SGCZ: variants seen among roughly 807,000 people sequenced by gnomAD.
SGCZ encodes sarcoglycan zeta, also known as zeta-sarcoglycan.
A neutral mutation model predicts 41.3 loss-of-function variants in SGCZ; 40 were observed. The ratio of observed to expected loss-of-function variants is 0.97; its 90% confidence interval spans 0.75 to 1.26. The LOEUF is 1.26. Ranked by LOEUF, SGCZ falls within the 50% of genes most tolerant of loss-of-function variation. The probability of loss-of-function intolerance (pLI) is 0.00; values close to 1 mark genes in which losing one functional copy is unlikely to be tolerated. For synonymous variants in SGCZ, 206 were observed against 137.5 expected (o/e 1.50, Z -3.49); for missense variants, 552 against 369.8 (o/e 1.49, Z -4.04).
In SGCZ at chr8:14,714,321, T is replaced by C. The variant is rs186221079; in HGVS notation, c.40-159395A>G. Among the ~76,000 whole-genome samples the C allele has an allele frequency of 5.9e-3, 895 of 152,236 alleles. 6 individuals are homozygous for C. Among genetic ancestry groups the C allele is most frequent in the Non-Finnish European group, 7.2e-3 (487 of 68,008 alleles). ...TTAATGAAACAAACTTTTAAAAGTT[T>C]ATAGAAGTTAAAAAAAGTAACAGTA... On this transcript the variant is annotated intron_variant, in intron 1 of 7. Coordinates refer to ENST00000382080, the MANE Select transcript of SGCZ (RefSeq NM_139167.4).
intron 1 of SGCZ, among the ~76,000 whole-genome samples, chr8:14,771,408 G>A (rs1255416850): frequency 1.3e-5 from 2 of 152,064 alleles, no homozygotes; most frequent in Non-Finnish European, 2.9e-5. Context: ...GCTTCACATG[G>A]CTAAAAACAT....
intron 1 of SGCZ, among the ~76,000 whole-genome samples, chr8:14,838,552 C>T (rs1365682460): frequency 6.6e-6 from 1 of 152,116 alleles, no homozygotes. Flanking sequence ...GTTGGAATTA[C>T]TCAGACTAGG....
intron 1 of SGCZ, among the ~76,000 whole-genome samples, chr8:14,743,295 C>T (rs897486337): frequency 5.3e-5 from 8 of 151,730 alleles, no homozygotes; most frequent in African/African-American, 1.5e-4. Flanking sequence ...TACAAATAAC[C>T]ATATTTTACC....
At chr8:15,003,682 T>G (rs1802504762) in intron 1 of SGCZ, among the ~76,000 whole-genome samples, 1 of 152,140 alleles carries the variant, frequency 6.6e-6, no homozygotes, top group East Asian at 1.9e-4. Context: ...GACTTGGCTG[T>G]GTATATATAA....
chr8:15,091,117 T>C (rs1471608501), intron 1 of SGCZ, among the ~76,000 whole-genome samples: 1 of 152,248 alleles, frequency 6.6e-6, no homozygotes, highest in East Asian at 1.9e-4. Flanking sequence ...AGAGTAATCT[T>C]AAATAGACTT....
intron 3 of SGCZ, among the ~76,000 whole-genome samples, chr8:14,243,331 G>A (rs7818174): frequency 1 from 151,590 of 152,308 alleles, 75,443 homozygotes; most frequent in South Asian, 1. Context: ...TAAATATTCA[G>A]TCAGCTGCGT....
rs114275314 is a variant in SGCZ at position 14,388,321 on chromosome 8, G to A, written c.235-64117C>T. Among the ~76,000 whole-genome samples the A allele has an allele frequency of 6.6e-4, 100 of 152,166 alleles. 2 individuals are homozygous for A. Among genetic ancestry groups the A allele is most frequent in the African/African-American group, 2.2e-3 (90 of 41,524 alleles). ...TGAAGATATAGGTGCTGAGGCCTAG[G>A]AGCTGGGCATCTGGCACACCCAGAG... On this transcript the variant is annotated intron_variant, in intron 2 of 7. Coordinates refer to ENST00000382080, the MANE Select transcript of SGCZ (RefSeq NM_139167.4).
chr8:14,167,550 A>G (rs2116991518), intron 4 of SGCZ, among the ~76,000 whole-genome samples: 1 of 152,300 alleles, frequency 6.6e-6, no homozygotes, highest in African/African-American at 2.4e-5. Flanking sequence ...TAAACTCACA[A>G]TCAACAAAGA....
chr8:14,135,703 T>G (rs147459586), intron 5 of SGCZ, among the ~76,000 whole-genome samples: 9 of 152,354 alleles, frequency 5.9e-5, no homozygotes, highest in Non-Finnish European at 1.2e-4. Context: ...ATAGTTTTAC[T>G]GGAGAATTCT....
chr8:14,525,980 G>GA (rs1033060905), intron 2 of SGCZ, among the ~76,000 whole-genome samples: 108 of 146,624 alleles, frequency 7.4e-4, no homozygotes, highest in African/African-American at 1.6e-3. Flanking sequence ...CTTCAGTTAA[G>GA]AAAAAAAAAA....
At chr8:15,220,983 A>G (rs1801579227) in intron 1 of SGCZ, among the ~76,000 whole-genome samples, 1 of 152,070 alleles carries the variant, frequency 6.6e-6, no homozygotes, top group Admixed American at 6.6e-5. Context: ...TGGACACAGG[A>G]TGGGGAACAT....
chr8:14,773,923 C>T (rs150007973), intron 1 of SGCZ, among the ~76,000 whole-genome samples: 1 of 152,158 alleles, frequency 6.6e-6, no homozygotes, highest in Non-Finnish European at 1.5e-5. Context: ...TTTTCACAGG[C>T]AATTATTTTT....
chr8:15,005,331 T>C (rs1266283980), intron 1 of SGCZ, among the ~76,000 whole-genome samples: 1 of 26,966 alleles, frequency 3.7e-5, no homozygotes, highest in African/African-American at 8.7e-5. Flanking sequence ...TCTTTTTCTT[T>C]TTTTTTTTTT....
At chr8:15,085,618 T>C (rs1039125998) in intron 1 of SGCZ, among the ~76,000 whole-genome samples, 3 of 152,318 alleles carry the variant, frequency 2.0e-5, no homozygotes, top group Non-Finnish European at 2.9e-5. Context: ...ACCTGACAGA[T>C]AATCCCTCCT....
chr8:14,895,214 G>A (rs370477705), intron 1 of SGCZ, among the ~76,000 whole-genome samples: 31 of 152,204 alleles, frequency 2.0e-4, no homozygotes, highest in African/African-American at 7.5e-4. Context: ...TGTGTCATTT[G>A]GTGTGGTGGT....
At chr8:15,109,836 A>T (rs1806977346) in intron 1 of SGCZ, among the ~76,000 whole-genome samples, 1 of 152,210 alleles carries the variant, frequency 6.6e-6, no homozygotes, top group Admixed American at 6.5e-5. Flanking sequence ...GGTTACTCTC[A>T]TAACAGCATT....
chr8:15,113,588 A>C (rs892590345), intron 1 of SGCZ, among the ~76,000 whole-genome samples: 3 of 152,170 alleles, frequency 2.0e-5, no homozygotes, highest in African/African-American at 7.2e-5. Context: ...CATCCAGAGC[A>C]TGTCTCTTCG....
intron 1 of SGCZ, among the ~76,000 whole-genome samples, chr8:15,039,725 C>A (rs1306497622): frequency 2.0e-5 from 3 of 152,200 alleles, no homozygotes; most frequent in Non-Finnish European, 2.9e-5. Flanking sequence ...AATCTCCCAA[C>A]TGTATGGTGA....
At chr8:14,258,575 C>T (rs2059672) in intron 3 of SGCZ, among the ~76,000 whole-genome samples, 104,442 of 151,978 alleles carry the variant, frequency 0.69, 36,092 homozygotes, top group Admixed American at 0.72. Context: ...AATACTGATA[C>T]TATATTAAGT....
Sources: gnomAD v4.1 joint callset for allele counts (sites outside exome capture counted in the v4.1 genomes callset) on GRCh38, gnomAD v4.1.1 for gene constraint, MANE v1.5 for transcripts, NCBI Gene and HGNC (gene_info 2026-07-23, HGNC 2026-07-21) for gene names.